PRPSAP1: variants seen among roughly 807,000 people sequenced by gnomAD.
The protein encoded by PRPSAP1 is phosphoribosyl pyrophosphate synthase-associated protein 1.
In PRPSAP1, 31 loss-of-function variants were observed where a neutral mutation model predicts 39.4. The ratio of observed to expected loss-of-function variants is 0.79; its 90% CI spans 0.59 to 1.06. The LOEUF is 1.06. PRPSAP1 is among the 50% of genes least tolerant of loss of function. The probability of loss-of-function intolerance (pLI) is 0.00; values close to 1 mark genes in which losing one functional copy is unlikely to be tolerated. For synonymous variants in PRPSAP1, 212 were observed against 192.6 expected, an observed-to-expected ratio of 1.10 and a Z score of -0.83; for missense variants, 430 against 511.6, an observed-to-expected ratio of 0.84 and a Z score of 1.54.
chr17:76,312,749 T>TA, intron 9 of PRPSAP1, 121 bp downstream of exon 9: 1 of 1,322,980 alleles, frequency 7.6e-7, no homozygotes, highest in Non-Finnish European at 1.0e-6. Context: ...AACGAACTGC[T>TA]AGCCAGCAAA....
chr17:76,313,854 A>T lies in PRPSAP1; in HGVS notation c.819T>A (p.Val273=). ...MAKEKPPITV[V]GDVGGRIAII... ...TTGCGATGCGGCCTCCAACATCTCCAACTACAGTTATCGGTGGCTTCTCTT... is the reference window on the plus strand; with the variant it reads ...TTGCGATGCGGCCTCCAACATCTCCTACTACAGTTATCGGTGGCTTCTCTT... The change falls in exon 8 of 10, where the codon GTT becomes GTA. Residue 273 remains valine (V), a synonymous_variant. Transcript: ENST00000446526. 6.2e-7 allele frequency: 1 copy of T among 1,614,180 alleles called. No homozygotes were observed. Among genetic ancestry groups the T allele is most frequent in the Non-Finnish European group, 8.5e-7 (1 of 1,180,036 alleles).
At chr17:76,323,465 A>G (rs1339035457) in intron 7 of PRPSAP1, among the ~76,000 whole-genome samples, 1 of 152,076 alleles carries the variant, frequency 6.6e-6, no homozygotes, top group Non-Finnish European at 1.5e-5. Flanking sequence ...CATGAAGAAC[A>G]CGCGTGATTC....
At chr17:76,347,405 TG>T (rs1485164901) in intron 2 of PRPSAP1, among the ~76,000 whole-genome samples, 1 of 143,862 alleles carries the variant, frequency 7.0e-6, no homozygotes, top group Non-Finnish European at 1.5e-5. Context: ...GAGGATTGCT[TG>T]AACCTGGGAG....
At chr17:76,312,774 T>C in intron 9 of PRPSAP1, 96 bp downstream of exon 9, 1 of 1,467,774 alleles carries the variant, frequency 6.8e-7, no homozygotes, top group Middle Eastern at 1.8e-4. Context: ...AGAAAAGCTA[T>C]AGACAGATTA....
chr17:76,319,673 T>G (rs763856381), intron 7 of PRPSAP1, among the ~76,000 whole-genome samples: 16 of 151,920 alleles, frequency 1.1e-4, no homozygotes, highest in Non-Finnish European at 2.1e-4. Context: ...TTCACCGTGT[T>G]GGCCAGGCTG....
chr17:76,314,403 G>A (rs1037541009), intron 7 of PRPSAP1: 3 of 162,954 alleles, frequency 1.8e-5, no homozygotes, highest in African/African-American at 7.2e-5. Flanking sequence ...TTTTAGTAGA[G>A]ATGGGGTTTC....
At chr17:76,341,735 C>T (rs753642490) in intron 3 of PRPSAP1, among the ~76,000 whole-genome samples, 6 of 152,066 alleles carry the variant, frequency 3.9e-5, no homozygotes, top group African/African-American at 1.2e-4. Flanking sequence ...GTTAGGAGAT[C>T]GAGACCATCC....
chr17:76,329,820 T>C (rs536373683), intron 6 of PRPSAP1, among the ~76,000 whole-genome samples: 1 of 152,262 alleles, frequency 6.6e-6, no homozygotes, highest in East Asian at 1.9e-4. Context: ...TGAAGGAACT[T>C]TGTTTTCCCA....
At position 76,341,313 on chromosome 17, in the gene PRPSAP1, C is replaced by G. The variant is rs370006484; in HGVS notation, c.290+3358G>C. On this transcript the variant is annotated intron_variant, in intron 3 of 9. Transcript: ENST00000446526. ...AGTAGAGTGGTGTAATCACAGCTCA[C>G]TGTAGCCTCGACCACCCAGGCTCAA... Among the ~76,000 whole-genome samples, 25 of 146,798 alleles carry G rather than the reference C, an allele frequency of 1.7e-4. No homozygotes were observed. In the East Asian group the frequency reaches 4.9e-3, roughly 29 times the overall value.
chr17:76,330,469 CCAGTAACGAAATCTGATACCAGAGA>C lies in PRPSAP1; in HGVS notation c.579+57_579+81del, dbSNP rs988511524. ...AGGGAGAGCTCATTTGATGTGCCTT[CCAGTAACGAAATCTGATACCAGAGA>C]AAAACTAAATAAGATCTCTTTTGAG... On this transcript the variant is annotated intron_variant, in intron 5 of 9. Coordinates refer to ENST00000446526, the MANE Select transcript of PRPSAP1 (RefSeq NM_002766.3). The C allele has an allele frequency of 3.8e-5, 40 of 1,054,354 alleles. No homozygotes were observed. In the African/African-American group the frequency reaches 5.3e-4, roughly 14 times the overall value. The allele number at this position is 1,054,354 out of a possible 1,614,324, so 65.3% of individuals were successfully genotyped here.
chr17:76,327,605 A>G (rs2071268153), intron 7 of PRPSAP1, among the ~76,000 whole-genome samples: 1 of 152,114 alleles, frequency 6.6e-6, no homozygotes, highest in Non-Finnish European at 1.5e-5. Flanking sequence ...GTGAGCCAAG[A>G]TTGCACCACT....
At position 76,324,235 on chromosome 17, in the gene PRPSAP1, C is replaced by T. The variant is rs531394872; in HGVS notation, c.781+4482G>A. ...CATAAGTGTGATCATTGGGTGTTCA[C>T]GCTTACATGTGAGATGTGCCATCCT... is the stretch of plus-strand genomic sequence containing the variant. On this transcript the variant is annotated intron_variant, in intron 7 of 9. Coordinates refer to ENST00000446526, the MANE Select transcript of PRPSAP1 (RefSeq NM_002766.3). 9.5e-4 allele frequency among the ~76,000 whole-genome samples: 145 copies of T among 152,096 alleles called. 1 individual carries two copies. The highest frequency in any genetic ancestry group is 2.7e-3 in the African/African-American group (112 of 41,486).
chr17:76,350,235 C>G (rs988687700), intron 1 of PRPSAP1, among the ~76,000 whole-genome samples: 1 of 151,512 alleles, frequency 6.6e-6, no homozygotes. Flanking sequence ...GTCAGGAGAT[C>G]GAGACCACCC....
intron 3 of PRPSAP1, among the ~76,000 whole-genome samples, chr17:76,338,651 C>T (rs1026144670): frequency 2.6e-5 from 4 of 151,798 alleles, no homozygotes; most frequent in African/African-American, 7.3e-5. Flanking sequence ...TGCAGTAAGC[C>T]GAGATTGTGC....
rs142497240 is a variant in PRPSAP1 at position 76,317,285 on chromosome 17, G to C, written c.782-3394C>G. Reference sequence around the variant, plus strand: ...GAATTGCTTGGGCCCGGGAGGTGGAGGTTGCAGTGAACCGACATCATGCCA... The same window carrying C: ...GAATTGCTTGGGCCCGGGAGGTGGACGTTGCAGTGAACCGACATCATGCCA... On this transcript the variant is annotated intron_variant, in intron 7 of 9. Coordinates refer to ENST00000446526, the MANE Select transcript of PRPSAP1 (RefSeq NM_002766.3). 6.0e-4 allele frequency among the ~76,000 whole-genome samples: 91 copies of C among 152,234 alleles called. 1 individual carries two copies. In the East Asian group the frequency reaches 0.015, roughly 26 times the overall value.
At position 76,353,623 on chromosome 17, in the gene PRPSAP1, CG is replaced by C; in HGVS notation, c.80del (p.Pro27ArgfsTer4). The C allele has an allele frequency of 6.5e-7, 1 of 1,548,368 alleles. No individual in the cohort carries two copies. The highest frequency in any genetic ancestry group is 8.7e-7 in the Non-Finnish European group (1 of 1,153,006). ...FRVPRARPVP[P>X]PAMNAARTGY... is the part of the protein sequence containing the mutation. ...CGGTGCGAGCGGCGTTCATGGCCGG[CG>C]GGGGAACGGGGCGGGCGCGCGGGAC... On this transcript the variant is annotated frameshift_variant, in exon 1 of 10. Transcript: ENST00000446526. LOFTEE classifies it high-confidence loss of function.
Position 76,330,553 on chromosome 17 carries a change from C to T in PRPSAP1, c.577G>A (p.Glu193Lys). 6.3e-7 allele frequency: 1 copy of T among 1,590,138 alleles called. No individual in the cohort carries two copies. Among genetic ancestry groups the T allele is most frequent in the Non-Finnish European group, 8.6e-7 (1 of 1,162,880 alleles). ...GGTGTTTGCTGGTGGTTCCTCACTT[C>T]TTCCTGGATATACTGAAGCAGGAAA... Reference protein sequence around the residue: ...SPFLLQYIQEEIPNYRNAVIV... With the variant: ...SPFLLQYIQEKIPNYRNAVIV... Residue 193 changes from glutamate (E) to lysine (K), a missense_variant and splice_region_variant, in exon 5 of 10, where the codon GAA (glutamate) becomes AAA (lysine). Physicochemically the swap from Glu to Lys is moderately conservative, Grantham distance 56. Coordinates refer to ENST00000446526, the MANE Select transcript of PRPSAP1 (RefSeq NM_002766.3).
At chr17:76,340,037 G>A (rs918179495) in intron 3 of PRPSAP1, among the ~76,000 whole-genome samples, 9 of 151,178 alleles carry the variant, frequency 6.0e-5, no homozygotes, top group Middle Eastern at 3.2e-3. Context: ...AGGGTAAGAC[G>A]GTGGGTGCTG....
At chr17:76,330,317 C>A in intron 5 of PRPSAP1, 5 of 600,882 alleles carry the variant, frequency 8.3e-6, no homozygotes, top group Non-Finnish European at 1.4e-5. Flanking sequence ...TTAAAACATT[C>A]ATTTTAGAAA....
Sources: gnomAD v4.1 joint callset for allele counts (sites outside exome capture counted in the v4.1 genomes callset) on GRCh38, gnomAD v4.1.1 for gene constraint, MANE v1.5 for transcripts, NCBI Gene and HGNC (gene_info 2026-07-23, HGNC 2026-07-21) for gene names.